The following ERBB4 variants were observed in gnomAD, a reference collection of about 807,000 sequenced individuals.
ERBB4 encodes receptor tyrosine-protein kinase erbB-4.
Under a neutral mutation model 158.0 loss-of-function variants are expected in ERBB4, and 42 were observed. The observed-to-expected ratio is 0.27, with a 90% CI of 0.21 to 0.34. The LOEUF (loss-of-function observed/expected upper bound fraction) is 0.34. Among genes scored for constraint, ERBB4 ranks in the 10% least tolerant of loss-of-function variants. ERBB4 has a pLI of 1.00. For synonymous variants in ERBB4, 583 were observed against 558.7 expected (o/e 1.04, Z -0.61); for missense variants, 1,333 against 1,624.1 (o/e 0.82, Z 3.08).
At chr2:211,911,725 C>T (rs557948022) in intron 3 of ERBB4, among the ~76,000 whole-genome samples, 2 of 150,888 alleles carry the variant, frequency 1.3e-5, no homozygotes, top group African/African-American at 4.9e-5. Flanking sequence ...ACAGAAACAG[C>T]GATTGGTGGT....
rs541504809 is a variant in ERBB4 at position 211,780,165 on chromosome 2, T to C, written c.556+7860A>G. ...TAACTTGTGCCCAGAAGTTGGAGTC[T>C]AGCCTGGGTAACGTAGGGAGAGCCT... On this transcript the variant is annotated intron_variant, in intron 4 of 27. Coordinates refer to ENST00000342788, the MANE Select transcript of ERBB4 (RefSeq NM_005235.3). Among the ~76,000 whole-genome samples, 3 of 152,152 alleles carry C rather than the reference T, an allele frequency of 2.0e-5. No homozygotes were observed. In the South Asian group the frequency reaches 6.2e-4, roughly 32 times the overall value.
At chr2:212,295,162 T>C (rs550610228) in intron 1 of ERBB4, among the ~76,000 whole-genome samples, 82 of 152,240 alleles carry the variant, frequency 5.4e-4, no homozygotes, top group African/African-American at 1.9e-3. Flanking sequence ...AAGTCTGATA[T>C]ATTGATGTCC....
intron 3 of ERBB4, among the ~76,000 whole-genome samples, chr2:211,875,050 A>AAAAAAAAC (rs66500425): frequency 1.3e-4 from 10 of 75,862 alleles, no homozygotes; most frequent in South Asian, 5.0e-4. Context: ...AAAAAAAAAA[A>AAAAAAAAC]CAAACTCAAA....
At position 211,765,751 on chromosome 2, in the gene ERBB4, G is replaced by T. The variant is rs566040636; in HGVS notation, c.557-15047C>A. The stretch of plus-strand genomic sequence containing the variant: ...GAAATTTAGAAATGTAGAAGTGATG[G>T]TTGTCCATCATTGTATTGCTTTAAA... On this transcript the variant is annotated intron_variant, in intron 4 of 27. Coordinates refer to ENST00000342788, the MANE Select transcript of ERBB4 (RefSeq NM_005235.3). Among the ~76,000 whole-genome samples, 24 of 152,254 alleles carry T rather than the reference G, an allele frequency of 1.6e-4. No individual in the cohort carries two copies. The South Asian group carries it at 4.6e-3, about 29-fold the overall frequency.
rs71397161 is a variant in ERBB4, at chr2:212,147,157, A to ATTTTTT, written c.83-22260_83-22255dup. Among the ~76,000 whole-genome samples, 304 of 34,258 alleles carry ATTTTTT rather than the reference A, an allele frequency of 8.9e-3. 52 individuals are homozygous for ATTTTTT. The highest frequency in any genetic ancestry group is 0.02 in the African/African-American group (146 of 7,428). The allele number at this position is 34,258 out of a possible 152,430, so 22.5% of individuals were successfully genotyped here. A position where few individuals can be genotyped will look rare whatever the true frequency, so the allele number is the denominator to read the frequency against. On this transcript the variant is annotated intron_variant, in intron 1 of 27. Transcript: ENST00000342788. ...AGGGGCATGCCACCATGCCCAGCTA[A>ATTTTTT]TTTTTTTTTTTTTTTTTTTTTTTTT...
At chr2:211,608,568 T>C (rs2069074291) in intron 19 of ERBB4, among the ~76,000 whole-genome samples, 1 of 152,206 alleles carries the variant, frequency 6.6e-6, no homozygotes, top group Non-Finnish European at 1.5e-5. Flanking sequence ...AAAGAATCAT[T>C]TAATTCTTTA....
chr2:212,200,727 T>A (rs1422751550), intron 1 of ERBB4, among the ~76,000 whole-genome samples: 1 of 152,184 alleles, frequency 6.6e-6, no homozygotes, highest in Non-Finnish European at 1.5e-5. Flanking sequence ...ATGATTATTA[T>A]TTATTGATAT....
At chr2:211,998,125 T>C (rs979864083) in intron 2 of ERBB4, among the ~76,000 whole-genome samples, 4 of 151,950 alleles carry the variant, frequency 2.6e-5, no homozygotes, top group African/African-American at 9.7e-5. Context: ...ATGGCACATG[T>C]ATACATATGT....
At chr2:212,409,888 G>T (rs1319614138) in intron 1 of ERBB4, among the ~76,000 whole-genome samples, 1 of 152,034 alleles carries the variant, frequency 6.6e-6, no homozygotes, top group African/African-American at 2.4e-5. Flanking sequence ...TTTTAGGGTG[G>T]AATGGTTCTT....
At chr2:211,550,447 A>C (rs1413895183) in intron 20 of ERBB4, among the ~76,000 whole-genome samples, 1 of 151,520 alleles carries the variant, frequency 6.6e-6, no homozygotes, top group Non-Finnish European at 1.5e-5. Flanking sequence ...AGGAAAGAGG[A>C]AATGACGAGG....
intron 3 of ERBB4, among the ~76,000 whole-genome samples, chr2:211,937,752 C>A (rs565401984): frequency 6.6e-6 from 1 of 152,164 alleles, no homozygotes; most frequent in Admixed American, 6.5e-5. Context: ...GAAAACCAAC[C>A]CCATGATTCA....
intron 16 of ERBB4, among the ~76,000 whole-genome samples, chr2:211,657,066 T>A (rs1444666829): frequency 6.6e-6 from 1 of 152,162 alleles, no homozygotes; most frequent in Admixed American, 6.5e-5. Context: ...AAAAATAATA[T>A]AAAATCAGAA....
At chr2:211,599,916 G>A (rs756243262) in intron 19 of ERBB4, among the ~76,000 whole-genome samples, 1 of 152,136 alleles carries the variant, frequency 6.6e-6, no homozygotes, top group Non-Finnish European at 1.5e-5. Context: ...ACTACCTTAA[G>A]TAAAGTTATA....
intron 19 of ERBB4, among the ~76,000 whole-genome samples, chr2:211,589,542 C>T (rs1049205129): frequency 3.9e-5 from 6 of 152,172 alleles, no homozygotes; most frequent in East Asian, 1.9e-4. Flanking sequence ...CTTCATTTTC[C>T]GTAACATCCA....
intron 3 of ERBB4, among the ~76,000 whole-genome samples, chr2:211,876,987 G>A (rs2078520581): frequency 6.6e-6 from 1 of 152,044 alleles, no homozygotes; most frequent in Admixed American, 6.6e-5. Context: ...CTACTGAAAA[G>A]CCTACTGAGG....
chr2:211,496,937 A>G (rs1323194961), intron 20 of ERBB4, among the ~76,000 whole-genome samples: 4 of 151,002 alleles, frequency 2.6e-5, no homozygotes, highest in Non-Finnish European at 5.9e-5. Flanking sequence ...GACATTTCAT[A>G]CTCTTTTTTC....
At chr2:211,564,387 A>G (rs1191750489) in intron 19 of ERBB4, among the ~76,000 whole-genome samples, 4 of 152,166 alleles carry the variant, frequency 2.6e-5, no homozygotes, top group Admixed American at 6.5e-5. Context: ...GAAATCTTAA[A>G]CCAAAAGAAC....
intron 9 of ERBB4, among the ~76,000 whole-genome samples, chr2:211,706,147 A>G (rs1253557810): frequency 6.6e-6 from 1 of 152,150 alleles, no homozygotes. Flanking sequence ...AATATATACC[A>G]TTTACAGAGA....
chr2:212,274,063 TA>T (rs2085439426), intron 1 of ERBB4, among the ~76,000 whole-genome samples: 1 of 151,744 alleles, frequency 6.6e-6, no homozygotes, highest in Admixed American at 6.6e-5. Flanking sequence ...ACTATATTCT[TA>T]AAGTAAGCTA....
Sources: allele counts gnomAD v4.1 joint callset (sites outside exome capture counted in the v4.1 genomes callset), GRCh38; gene constraint gnomAD v4.1.1; transcripts MANE v1.5; gene names NCBI Gene and HGNC (gene_info 2026-07-23, HGNC 2026-07-21).